MUC5B: variants seen among roughly 807,000 people sequenced by gnomAD.
MUC5B encodes mucin-5B.
Under a neutral mutation model 376.9 loss-of-function variants are expected in MUC5B, and 116 were observed. The observed-to-expected ratio is 0.31, with a 90% CI of 0.26 to 0.36. The LOEUF (loss-of-function observed/expected upper bound fraction) is 0.36. Among genes scored for constraint, MUC5B ranks in the 10% least tolerant of loss-of-function variants. MUC5B has a pLI of 1.00. For missense variants in MUC5B, 7,165 were observed against 7,769.9 expected, an observed-to-expected ratio of 0.92 and a Z score of 2.93; for synonymous variants, 3,517 against 3,390.9, an observed-to-expected ratio of 1.04 and a Z score of -1.29.
rs767151130 is a variant in MUC5B, at chr11:1,246,179, C to T, written c.9299C>T (p.Pro3100Leu). ...TCCACAATCCACCCCTCCTCCACTC[C>T]GGAGACCACCCACACCTCCACAGTG... Reference protein sequence around the residue: ...TMSTIHPSSTPETTHTSTVLT... With the variant: ...TMSTIHPSSTLETTHTSTVLT... The change falls in exon 31 of 49, where the codon CCG becomes CTG. Residue 3100 changes from proline (P) to leucine (L), a missense_variant. This residue lies in a region of MUC5B where 939 missense variants were observed against 770.6 expected (regional missense o/e 1.22). Coordinates refer to ENST00000529681, the MANE Select transcript of MUC5B (RefSeq NM_002458.3). The T allele has an allele frequency of 4.9e-5, 79 of 1,613,016 alleles. No individual in the cohort carries two copies. The highest frequency in any genetic ancestry group is 1.6e-4 in the Middle Eastern group (1 of 6,082).
rs372999532 is a variant in MUC5B, at chr11:1,250,284, C to T, written c.13404C>T (p.Thr4468=). 240 of 1,613,172 alleles carry T rather than the reference C, an allele frequency of 1.5e-4. 1 individual carries two copies. The Admixed American group carries it at 2.4e-3, about 16-fold the overall frequency. ...CGGTGCCCACCGGATCCACGGCCAC[C>T]GCCTCCTCCACCCAGGCAACTGCTG... ...TVTVPTGSTA[T]ASSTQATAGT... is the part of the protein sequence containing the mutation. Residue 4468 remains threonine, a synonymous_variant, in exon 31 of 49, where the codon ACC becomes ACT. Transcript: ENST00000529681.
At position 1,241,978 on chromosome 11, in the gene MUC5B, C is replaced by T; in HGVS notation, c.5098C>T (p.Pro1700Ser). The T allele has an allele frequency of 6.3e-7, 1 of 1,596,336 alleles. No individual in the cohort carries two copies. Among genetic ancestry groups the T allele is most frequent in the Non-Finnish European group, 8.5e-7 (1 of 1,172,116 alleles). The change falls in exon 31 of 49, where the codon CCA (proline) becomes TCA (serine). Residue 1700 changes from proline (P) to serine (S), a missense_variant. Coordinates refer to ENST00000529681, the MANE Select transcript of MUC5B (RefSeq NM_002458.3). ...CACCCTTCCAACACGCTCAGCCCTT[C>T]CAGGGACGACGGGGAGCTTGGGCAC... ...TSTLPTRSALPGTTGSLGTWR... is the reference protein window; with the variant it reads ...TSTLPTRSALSGTTGSLGTWR...
intron 30 of MUC5B, 79 bp downstream of exon 30, chr11:1,240,454 C>A (rs971429168): frequency 7.5e-6 from 10 of 1,327,562 alleles, no homozygotes; most frequent in Admixed American, 2.1e-5. Flanking sequence ...AGTGCAGGTG[C>A]CCTGTATGGT....
chr11:1,227,427 G>A (rs764974191), intron 6 of MUC5B, 29 bp downstream of exon 6: 1 of 1,538,940 alleles, frequency 6.5e-7, no homozygotes, highest in Non-Finnish European at 8.9e-7. Flanking sequence ...AGGGGGCGGT[G>A]ACCAATTATG....
rs1395489034 is a variant in MUC5B at position 1,255,077 on chromosome 11, A to G, written c.15701A>G (p.Gln5234Arg). Residue 5234 changes from glutamine to arginine, a missense_variant, in exon 36 of 49, where the codon CAG (glutamine) becomes CGG (arginine). Transcript: ENST00000529681. The part of the protein sequence containing the change: ...CTNNQRDDCL[Q>R]RDGTTAASCK... ...AACAACCAGAGGGACGACTGTCTCC[A>G]GCGGGACGGAACCACTGCCGCCAGT... 3 of 1,595,080 alleles carry G rather than the reference A, an allele frequency of 1.9e-6. No individual in the cohort carries two copies. Among genetic ancestry groups the G allele is most frequent in the Non-Finnish European group, 2.6e-6 (3 of 1,171,942 alleles).
At position 1,249,385 on chromosome 11, in the gene MUC5B, C is replaced by T; in HGVS notation, c.12505C>T (p.Pro4169Ser). Reference sequence around the variant, plus strand: ...GGCCGGAGGGGCCGTCTGTGAGCAGCCCCTGGGCCTCGAGTGCCGTGCCCA... The same window carrying T: ...GGCCGGAGGGGCCGTCTGTGAGCAGTCCCTGGGCCTCGAGTGCCGTGCCCA... ...RAAGGAVCEQ[P>S]LGLECRAQAQ... Residue 4169 changes from proline (P) to serine (S), a missense_variant, in exon 31 of 49, where the codon CCC becomes TCC. Transcript: ENST00000529681. 6.2e-7 allele frequency: 1 copy of T among 1,611,180 alleles called. No homozygotes were observed. The highest frequency in any genetic ancestry group is 2.2e-5 in the East Asian group (1 of 44,878).
chr11:1,231,306 TGGGTCTCACTCCC>T, intron 13 of MUC5B, 104 bp from the exon 14 acceptor site: 1 of 1,279,054 alleles, frequency 7.8e-7, no homozygotes, highest in Admixed American at 2.6e-5. Context: ...TGGCCACTCC[TGGGTCTCACTCCC>T]GGGTCTCAGT....
rs777101845 is a variant in MUC5B at position 1,233,104 on chromosome 11, C to G, written c.2157C>G (p.Asp719Glu). 1 of 1,607,928 alleles carries G rather than the reference C, an allele frequency of 6.2e-7. No individual in the cohort carries two copies. The highest frequency in any genetic ancestry group is 8.5e-7 in the Non-Finnish European group (1 of 1,179,446). ...CTTGCCGCGGCCTGAGTGAGGCCGA[C>G]GTCACCTGCAGCGTTTCCTTCGTGC... The part of the protein sequence containing the change: ...QPTCRGLSEA[D>E]VTCSVSFVPV... Residue 719 changes from aspartate (D) to glutamate (E), a missense_variant, in exon 18 of 49, where the codon GAC becomes GAG. By Grantham distance (45) the Asp-to-Glu change is conservative. Transcript: ENST00000529681.
In MUC5B at chr11:1,241,162, GA is replaced by G; in HGVS notation, c.4284del (p.Glu1428AspfsTer43). The G allele has an allele frequency of 6.2e-7, 1 of 1,603,928 alleles. No individual in the cohort carries two copies. Among genetic ancestry groups the G allele is most frequent in the Non-Finnish European group, 8.5e-7 (1 of 1,175,470 alleles). On this transcript the variant is annotated frameshift_variant, in exon 31 of 49. Coordinates refer to ENST00000529681, the MANE Select transcript of MUC5B (RefSeq NM_002458.3). LOFTEE classifies it high-confidence loss of function. The stretch of plus-strand genomic sequence containing the variant: ...CTACGAGCTGCGGGTTCTCTGCTGC[GA>G]ATACGTGCCCTGTGGCCCCTCCCCG... Reference protein sequence around the residue: ...HDYELRVLCCEYVPCGPSPAP... With the variant: ...HDYELRVLCCXYVPCGPSPAP...
rs1028211876 is a variant in MUC5B at position 1,242,236 on chromosome 11, C to A, written c.5356C>A (p.Pro1786Thr). The A allele has an allele frequency of 5.0e-6, 8 of 1,613,704 alleles. No homozygotes were observed. Among genetic ancestry groups the A allele is most frequent in the African/African-American group, 1.3e-5 (1 of 74,920 alleles). ...CAGCCAGGGCACGACCCGCTGTCAA[C>A]CGAAGTGTGAGTGGACAGAGTGGTT... ...TTSQGTTRCQ[P>T]KCEWTEWFDV... The change falls in exon 31 of 49, where the codon CCG becomes ACG. Residue 1786 changes from proline (P) to threonine (T), a missense_variant. Transcript: ENST00000529681.
chr11:1,235,692 T>G (rs1192205058), intron 23 of MUC5B, among the ~76,000 whole-genome samples: 3 of 152,046 alleles, frequency 2.0e-5, no homozygotes, highest in African/African-American at 4.8e-5. Flanking sequence ...GCGGCAGGCG[T>G]CCCTGGGCTG....
Position 1,255,462 on chromosome 11 carries a change from C to T in MUC5B, c.15970C>T (p.Leu5324Phe), listed in dbSNP as rs1862815798. 6.3e-7 allele frequency: 1 copy of T among 1,595,428 alleles called. No individual in the cohort carries two copies. The highest frequency in any genetic ancestry group is 1.3e-5 in the African/African-American group (1 of 74,444). ...CATCAGCGACCACTGCAGGGGCCGC[C>T]TTGAGGTGCCCTGCCAGAGCCTGGA... ...ACISDHCRGR[L>F]EVPCQSLEAY... The change falls in exon 37 of 49, where the codon CTT (leucine) becomes TTT (phenylalanine). Residue 5324 changes from leucine (L) to phenylalanine (F), a missense_variant. Physicochemically the swap from Leu to Phe is conservative, Grantham distance 22. Coordinates refer to ENST00000529681, the MANE Select transcript of MUC5B (RefSeq NM_002458.3).
At chr11:1,235,013 C>A in intron 21 of MUC5B, 72 bp from the exon 22 acceptor site, 1 of 1,536,484 alleles carries the variant, frequency 6.5e-7, no homozygotes, top group Non-Finnish European at 8.7e-7. Flanking sequence ...CCTGCACAGG[C>A]CTGGGTGCCG....
At position 1,261,304 on chromosome 11, in the gene MUC5B, C is replaced by G. The variant is rs894030257; in HGVS notation, c.17070-85C>G. ...AAGGGGGCGGCCGTCTGGCCCAGGA[C>G]CCCAGAGGCCCATGTGTCACCATGG... On this transcript the variant is annotated intron_variant, in intron 48 of 48. Transcript: ENST00000529681. 28 of 1,258,850 alleles carry G rather than the reference C, an allele frequency of 2.2e-5. No individual in the cohort carries two copies. In the Middle Eastern group the frequency reaches 1.0e-3, roughly 46 times the overall value. The allele number at this position is 1,258,850 out of a possible 1,614,324, so 78.0% of individuals were successfully genotyped here. A position where few individuals can be genotyped will look rare whatever the true frequency, so the allele number is the denominator to read the frequency against.
rs755060892 is a variant in MUC5B, at chr11:1,252,834, A to T, written c.15071A>T (p.Asn5024Ile). Reference sequence around the variant, plus strand: ...GTGAATGAGACCTGGACCCTGGAGAACTGCACGGTGGCCAGGTGCGTGGGT... The same window carrying T: ...GTGAATGAGACCTGGACCCTGGAGATCTGCACGGTGGCCAGGTGCGTGGGT... ...RQVNETWTLE[N>I]CTVARCVGDN... Residue 5024 changes from asparagine to isoleucine, a missense_variant, in exon 33 of 49, where the codon AAC becomes ATC. Physicochemically the swap from Asn to Ile is moderately radical, Grantham distance 149. Coordinates refer to ENST00000529681, the MANE Select transcript of MUC5B (RefSeq NM_002458.3). The T allele has an allele frequency of 6.2e-7, 1 of 1,611,144 alleles. No homozygotes were observed. Among genetic ancestry groups the T allele is most frequent in the South Asian group, 1.1e-5 (1 of 90,648 alleles).
chr11:1,241,734 G>C lies in MUC5B; in HGVS notation c.4854G>C (p.Thr1618=). The C allele has an allele frequency of 6.2e-7, 1 of 1,612,066 alleles. No individual in the cohort carries two copies. The highest frequency in any genetic ancestry group is 1.3e-5 in the African/African-American group (1 of 74,936). Residue 1618 remains threonine (T), a synonymous_variant, in exon 31 of 49, where the codon ACG becomes ACC. Coordinates refer to ENST00000529681, the MANE Select transcript of MUC5B (RefSeq NM_002458.3). ...CGCCACCGACCACAGAGCTGGAGAC[G>C]GCCACCACCACCACCACCCAGGCCC... ...TTPPPTTELE[T]ATTTTTQALF... is the part of the protein sequence containing the mutation.
rs374548199 is a variant in MUC5B at position 1,249,203 on chromosome 11, C to T, written c.12323C>T (p.Ser4108Leu). The T allele has an allele frequency of 3.9e-5, 63 of 1,611,474 alleles. No individual in the cohort carries two copies. Among genetic ancestry groups the T allele is most frequent in the South Asian group, 2.2e-4 (20 of 90,946 alleles). Reference protein sequence around the residue: ...ATATPSKTRTSTLLPSSPTSA... With the variant: ...ATATPSKTRTLTLLPSSPTSA... ...GCCACACCCAGCAAGACCCGCACCTCGACCCTGCTGCCCAGCAGCCCCACA... is the reference window on the plus strand; with the variant it reads ...GCCACACCCAGCAAGACCCGCACCTTGACCCTGCTGCCCAGCAGCCCCACA... The change falls in exon 31 of 49, where the codon TCG (serine) becomes TTG (leucine). Residue 4108 changes from serine to leucine, a missense_variant. Coordinates refer to ENST00000529681, the MANE Select transcript of MUC5B (RefSeq NM_002458.3).
chr11:1,233,865 C>T lies in MUC5B; in HGVS notation c.2377+17C>T. The T allele has an allele frequency of 6.9e-7, 1 of 1,455,458 alleles. No individual in the cohort carries two copies. Among genetic ancestry groups the T allele is most frequent in the Non-Finnish European group, 9.1e-7 (1 of 1,102,852 alleles). 90.2% of individuals were successfully genotyped at this position (1,455,458 alleles called of 1,614,324 possible). Reference sequence around the variant, plus strand: ...AAAGCACAGGTAAGTGCCACCCCTGCCCTGCCCTGCCCTGCCCCGCCCCGC... The same window carrying T: ...AAAGCACAGGTAAGTGCCACCCCTGTCCTGCCCTGCCCTGCCCCGCCCCGC... On this transcript the variant is annotated intron_variant, in intron 19 of 48. Transcript: ENST00000529681.
Position 1,248,465 on chromosome 11 carries a change from C to T in MUC5B, c.11585C>T (p.Thr3862Ile). Residue 3862 changes from threonine (T) to isoleucine (I), a missense_variant, in exon 31 of 49, where the codon ACT becomes ATT. Thr to Ile is a moderately conservative substitution (Grantham distance 89, BLOSUM62 -1). Around this residue, in one of 31 missense-constraint regions of MUC5B, gnomAD observed 242 missense variants for 199.0 expected, o/e 1.22. Coordinates refer to ENST00000529681, the MANE Select transcript of MUC5B (RefSeq NM_002458.3). The stretch of plus-strand genomic sequence containing the variant: ...TCTTCCACCCCAGGAACAGCTCACA[C>T]TACCAAAGTGCCGACTACCACAACC... ...TPSSTPGTAH[T>I]TKVPTTTTTG... is the part of the protein sequence containing the mutation. 6.2e-7 allele frequency: 1 copy of T among 1,610,976 alleles called. No individual in the cohort carries two copies. Among genetic ancestry groups the T allele is most frequent in the Non-Finnish European group, 8.5e-7 (1 of 1,178,224 alleles).
Sources: allele counts gnomAD v4.1 joint callset (sites outside exome capture counted in the v4.1 genomes callset), GRCh38; gene constraint gnomAD v4.1.1; regional missense constraint gnomAD v4.1.1; transcripts MANE v1.5; gene names NCBI Gene and HGNC (gene_info 2026-07-23, HGNC 2026-07-21).